Variants in PSD3 observed in about 807,000 individuals in gnomAD.
The protein encoded by PSD3 is pleckstrin and Sec7 domain containing 3.
Under a neutral mutation model 105.5 loss-of-function variants are expected in PSD3, and 49 were observed. That is an observed-to-expected ratio of 0.46 (90% confidence interval 0.37 to 0.59). PSD3 has a LOEUF of 0.59. Among genes scored for constraint, PSD3 ranks in the 20% least tolerant of loss-of-function variants. The pLI, the probability that PSD3 is intolerant of heterozygous loss-of-function variation, is 0.00. For synonymous variants in PSD3, 557 were observed against 457.8 expected (o/e 1.22, Z -2.77); for missense variants, 1,561 against 1,263.8 (o/e 1.24, Z -3.57).
chr8:18,785,102 C>A (rs1809012949), intron 8 of PSD3, among the ~76,000 whole-genome samples: 1 of 152,086 alleles, frequency 6.6e-6, no homozygotes, highest in Non-Finnish European at 1.5e-5. Flanking sequence ...ATCTAGGAAC[C>A]CTGTGTCAGA....
At chr8:18,663,821 T>G (rs1358014529) in intron 9 of PSD3, among the ~76,000 whole-genome samples, 1 of 152,244 alleles carries the variant, frequency 6.6e-6, no homozygotes, top group Non-Finnish European at 1.5e-5. Flanking sequence ...CTTTACAACT[T>G]GAAGGTTTGT....
At chr8:18,701,129 C>T (rs79888207) in intron 9 of PSD3, among the ~76,000 whole-genome samples, 7,247 of 102,896 alleles carry the variant, frequency 0.07, 339 homozygotes, top group South Asian at 0.29. Flanking sequence ...AGAAGCCTGG[C>T]TGATTTTTTT....
intron 9 of PSD3, among the ~76,000 whole-genome samples, chr8:18,688,505 G>A (rs1800788926): frequency 6.6e-6 from 1 of 152,162 alleles, no homozygotes; most frequent in Non-Finnish European, 1.5e-5. Flanking sequence ...GCATGTGAAT[G>A]TATCATATTG....
At chr8:18,670,649 G>A (rs1168635045) in intron 9 of PSD3, among the ~76,000 whole-genome samples, 1 of 152,174 alleles carries the variant, frequency 6.6e-6, no homozygotes, top group African/African-American at 2.4e-5. Flanking sequence ...AGTAGCACCA[G>A]AAATGTATCA....
At chr8:18,610,948 A>G (rs936130648) in intron 11 of PSD3, among the ~76,000 whole-genome samples, 1 of 152,176 alleles carries the variant, frequency 6.6e-6, no homozygotes, top group East Asian at 1.9e-4. Flanking sequence ...CTATACAATG[A>G]ATCTACTACG....
intron 9 of PSD3, among the ~76,000 whole-genome samples, chr8:18,679,155 T>C (rs1291992690): frequency 6.6e-6 from 1 of 152,158 alleles, no homozygotes; most frequent in Non-Finnish European, 1.5e-5. Flanking sequence ...AGAGCAAAAG[T>C]GGTCTAGGAA....
At chr8:18,915,218 T>C (rs1019287921) in intron 2 of PSD3, among the ~76,000 whole-genome samples, 2 of 152,242 alleles carry the variant, frequency 1.3e-5, no homozygotes, top group Admixed American at 6.5e-5. Context: ...CTTAAATGTA[T>C]GACCCAAAAC....
intron 11 of PSD3, among the ~76,000 whole-genome samples, chr8:18,602,186 C>T (rs1007632654): frequency 3.2e-4 from 49 of 151,992 alleles, no homozygotes; most frequent in African/African-American, 1.1e-3. Flanking sequence ...TCTTGCGATC[C>T]CTTTAGTTCA....
chr8:18,566,777 A>C (rs1272967390), intron 14 of PSD3, among the ~76,000 whole-genome samples: 1 of 152,200 alleles, frequency 6.6e-6, no homozygotes, highest in Non-Finnish European at 1.5e-5. Context: ...AATTGTGATT[A>C]TACTACATAT....
intron 10 of PSD3, among the ~76,000 whole-genome samples, chr8:18,654,237 G>A (rs904508942): frequency 2.0e-5 from 3 of 152,110 alleles, no homozygotes; most frequent in African/African-American, 7.2e-5. Flanking sequence ...TTCAAGTGGT[G>A]CTGATACTTC....
chr8:18,965,145 C>T (rs1156327266), intron 1 of PSD3, among the ~76,000 whole-genome samples: 1 of 152,138 alleles, frequency 6.6e-6, no homozygotes, highest in East Asian at 1.9e-4. Context: ...TCATTTCCTC[C>T]CCCACCAATT....
At chr8:18,782,123 G>C (rs1348239746) in intron 8 of PSD3, among the ~76,000 whole-genome samples, 1 of 151,468 alleles carries the variant, frequency 6.6e-6, no homozygotes, top group Non-Finnish European at 1.5e-5. Context: ...GTAGTACCTG[G>C]GTTTTCAGAA....
chr8:18,806,395 A>G (rs1811199841), intron 4 of PSD3, among the ~76,000 whole-genome samples: 1 of 152,234 alleles, frequency 6.6e-6, no homozygotes, highest in Admixed American at 6.5e-5. Context: ...GAAAGGGCTT[A>G]AAGACTACAG....
intron 11 of PSD3, among the ~76,000 whole-genome samples, chr8:18,615,791 G>C (rs1051913487): frequency 6.6e-6 from 1 of 152,330 alleles, no homozygotes; most frequent in East Asian, 1.9e-4. Context: ...AGCAAATCAG[G>C]TTTCCTCAAC....
chr8:18,584,313 T>G (rs1166075786), intron 12 of PSD3, among the ~76,000 whole-genome samples: 1 of 152,186 alleles, frequency 6.6e-6, no homozygotes, highest in Non-Finnish European at 1.5e-5. Flanking sequence ...GCCAAGTTAG[T>G]TGAAGCTGGG....
intron 9 of PSD3, among the ~76,000 whole-genome samples, chr8:18,752,526 ATAAT>A (rs1805611047): frequency 2.3e-4 from 12 of 51,876 alleles, no homozygotes; most frequent in African/African-American, 1.3e-3. Flanking sequence ...TGTAATATAT[ATAAT>A]TATATATTAT....
At chr8:18,844,289 G>C (rs1814899021) in intron 4 of PSD3, among the ~76,000 whole-genome samples, 1 of 152,110 alleles carries the variant, frequency 6.6e-6, no homozygotes, top group South Asian at 2.1e-4. Context: ...GAATTCTAAA[G>C]ATGGTGAAAT....
At chr8:18,558,691 C>T (rs570814195) in intron 14 of PSD3, among the ~76,000 whole-genome samples, 9 of 152,030 alleles carry the variant, frequency 5.9e-5, no homozygotes, top group East Asian at 1.9e-4. Context: ...CGTGGTAGCA[C>T]GTGCCTGTAA....
chr8:18,758,150 T>C (rs994745575), intron 9 of PSD3, among the ~76,000 whole-genome samples: 6 of 152,200 alleles, frequency 3.9e-5, no homozygotes, highest in African/African-American at 1.2e-4. Flanking sequence ...AACCAGAATG[T>C]TGACATTAAT....
Sources: gnomAD v4.1 joint callset for allele counts (sites outside exome capture counted in the v4.1 genomes callset) on GRCh38, gnomAD v4.1.1 for gene constraint, MANE v1.5 for transcripts, NCBI Gene and HGNC (gene_info 2026-07-23, HGNC 2026-07-21) for gene names.